Variants in ANO3 observed in about 807,000 individuals in gnomAD.
ANO3 encodes the protein anoctamin 3, also known as anoctamin-3.
ANO3 carries 99 observed loss-of-function variants against 144.8 expected under a neutral mutation model. That is an observed-to-expected ratio of 0.68 (90% confidence interval 0.58 to 0.81). The LOEUF (loss-of-function observed/expected upper bound fraction) is 0.81, where lower values mean the gene tolerates loss of function less well. Ranked by LOEUF, ANO3 falls within the 30% of genes least tolerant of loss-of-function variation. The pLI is 0.00. For synonymous variants in ANO3, 414 were observed against 392.6 expected (o/e 1.05, Z -0.64); for missense variants, 905 against 1,202.2 (o/e 0.75, Z 3.66).
intron 1 of ANO3, among the ~76,000 whole-genome samples, chr11:26,384,563 T>C (rs1002615379): frequency 1.3e-5 from 2 of 152,142 alleles, no homozygotes; most frequent in African/African-American, 4.8e-5. Flanking sequence ...AATTCTCATG[T>C]TTCCTTGATT....
At chr11:26,452,323 A>T (rs1858975250) in intron 3 of ANO3, among the ~76,000 whole-genome samples, 1 of 152,204 alleles carries the variant, frequency 6.6e-6, no homozygotes, top group Non-Finnish European at 1.5e-5. Context: ...AAGAAGTTGA[A>T]AACTTTGAAA....
intron 1 of ANO3, among the ~76,000 whole-genome samples, chr11:26,356,301 C>T (rs2133918929): frequency 6.6e-6 from 1 of 152,228 alleles, no homozygotes; most frequent in South Asian, 2.1e-4. Flanking sequence ...TAAGATTCGA[C>T]ATATGTATGC....
At chr11:26,582,268 T>C (rs974475004) in intron 14 of ANO3, among the ~76,000 whole-genome samples, 1 of 152,252 alleles carries the variant, frequency 6.6e-6, no homozygotes, top group Non-Finnish European at 1.5e-5. Context: ...ATTTATTTTA[T>C]AGTGATCGGT....
At chr11:26,388,606 C>T (rs1564997142) in intron 1 of ANO3, among the ~76,000 whole-genome samples, 2 of 152,040 alleles carry the variant, frequency 1.3e-5, no homozygotes, top group Admixed American at 6.6e-5. Context: ...TGACTAGCAA[C>T]TAATTGTTTT....
intron 1 of ANO3, among the ~76,000 whole-genome samples, chr11:26,280,122 G>A (rs957946711): frequency 6.6e-6 from 1 of 152,104 alleles, no homozygotes; most frequent in Non-Finnish European, 1.5e-5. Context: ...CAGGACAATG[G>A]CATCGGTACA....
intron 1 of ANO3, among the ~76,000 whole-genome samples, chr11:26,388,191 T>C (rs1856785049): frequency 6.6e-6 from 1 of 151,640 alleles, no homozygotes; most frequent in Non-Finnish European, 1.5e-5. Context: ...ATTTATGGTC[T>C]ATTATGTCCT....
At chr11:26,247,315 C>A (rs909365357) in intron 1 of ANO3, among the ~76,000 whole-genome samples, 1 of 152,154 alleles carries the variant, frequency 6.6e-6, no homozygotes. Context: ...ACCTAGTTGT[C>A]TCACAACGTG....
chr11:26,621,156 G>C (rs1219388626), intron 17 of ANO3, among the ~76,000 whole-genome samples: 2 of 152,088 alleles, frequency 1.3e-5, no homozygotes, highest in Non-Finnish European at 2.9e-5. Context: ...TGCCTTTGCT[G>C]TTCTTTTTCT....
At chr11:26,416,552 G>A (rs1182636951) in intron 1 of ANO3, among the ~76,000 whole-genome samples, 2 of 151,790 alleles carry the variant, frequency 1.3e-5, no homozygotes, top group East Asian at 2.0e-4. Context: ...TCAACCTCCC[G>A]AGTAGCTGGG....
At chr11:26,453,738 C>G (rs962447166) in intron 3 of ANO3, among the ~76,000 whole-genome samples, 2 of 152,158 alleles carry the variant, frequency 1.3e-5, no homozygotes, top group African/African-American at 4.8e-5. Flanking sequence ...ACCTAATAGA[C>G]ATCTACAGAA....
At chr11:26,565,037 G>T in intron 14 of ANO3, 1 of 933,084 alleles carries the variant, frequency 1.1e-6, no homozygotes. Context: ...TCCCTCAAAA[G>T]TGAGAAAATC....
At chr11:26,656,532 T>C (rs771561408) in intron 26 of ANO3, 51 bp downstream of exon 26, 2 of 1,222,772 alleles carry the variant, frequency 1.6e-6, no homozygotes, top group Non-Finnish European at 2.4e-6. Context: ...CTTTTCTAAA[T>C]GATTTATCAG....
At chr11:26,488,064 G>A (rs562389073) in intron 4 of ANO3, among the ~76,000 whole-genome samples, 1 of 152,230 alleles carries the variant, frequency 6.6e-6, no homozygotes, top group East Asian at 1.9e-4. Flanking sequence ...TGCTGAGGAG[G>A]CTGAAGCAGG....
chr11:26,572,252 G>A (rs1850858845), intron 14 of ANO3: 1 of 985,122 alleles, frequency 1.0e-6, no homozygotes, highest in Admixed American at 6.2e-5. Flanking sequence ...CTGCTTCTCA[G>A]CTGTAAGCAT....
rs138514089 is a variant in ANO3 at position 26,317,489 on chromosome 11, G to A, written c.-3+7770G>A. On this transcript the variant is annotated intron_variant, in intron 1 of 26. Coordinates refer to the ANO3 transcript ENST00000525139. ...ACTTCTCAAAAGAAGACATTTATGC[G>A]GCCAACAAACATGAAAAAAGCTCAT... is the stretch of plus-strand genomic sequence containing the variant. 8.4e-4 allele frequency among the ~76,000 whole-genome samples: 128 copies of A among 151,804 alleles called. 2 individuals carry two copies. The East Asian group carries it at 0.014, about 17-fold the overall frequency.
At chr11:26,632,721 A>G (rs1852827140) in intron 18 of ANO3, among the ~76,000 whole-genome samples, 1 of 152,038 alleles carries the variant, frequency 6.6e-6, no homozygotes, top group African/African-American at 2.4e-5. Flanking sequence ...CAATTTAGCC[A>G]CAAATGACAT....
At position 26,561,082 on chromosome 11, in the gene ANO3, G is replaced by C. The variant is rs1206944853; in HGVS notation, c.1447+1303G>C. Reference sequence around the variant, plus strand: ...TGTTAGTTCTATACAGAAGTACGAAGTGGAGGTATGTCATCCATAGGAATG... The same window carrying C: ...TGTTAGTTCTATACAGAAGTACGAACTGGAGGTATGTCATCCATAGGAATG... On this transcript the variant is annotated intron_variant, in intron 14 of 26. Transcript: ENST00000256737. 6 of 1,611,180 alleles carry C rather than the reference G, an allele frequency of 3.7e-6. No homozygotes were observed. The highest frequency in any genetic ancestry group is 3.3e-4 in the Middle Eastern group (2 of 6,052).
At chr11:26,217,278 A>G (rs950578573) in intron 1 of ANO3, among the ~76,000 whole-genome samples, 5 of 152,068 alleles carry the variant, frequency 3.3e-5, no homozygotes, top group African/African-American at 1.2e-4. Context: ...ACAGGTAATA[A>G]CTTTCCAGCA....
intron 4 of ANO3, among the ~76,000 whole-genome samples, chr11:26,487,858 T>G (rs1229511711): frequency 6.6e-6 from 1 of 152,130 alleles, no homozygotes; most frequent in Admixed American, 6.6e-5. Flanking sequence ...AAAGGTGATT[T>G]AGGTGCTATT....
Sources: gnomAD v4.1 joint callset for allele counts (sites outside exome capture counted in the v4.1 genomes callset) on GRCh38, gnomAD v4.1.1 for gene constraint, MANE v1.5 for transcripts, NCBI Gene and HGNC (gene_info 2026-07-23, HGNC 2026-07-21) for gene names.